The following ARHGEF3 variants were observed in gnomAD, a reference collection of about 807,000 sequenced individuals.
The protein encoded by ARHGEF3 is 59.8 kDA protein.
ARHGEF3 carries 28 observed loss-of-function variants against 63.2 expected under a neutral mutation model. That is an observed-to-expected ratio of 0.44 (90% CI 0.33 to 0.61). The LOEUF (loss-of-function observed/expected upper bound fraction) is 0.61. ARHGEF3 is among the 20% of genes least tolerant of loss of function. ARHGEF3 has a pLI of 0.03. For missense variants in ARHGEF3, 533 were observed against 659.3 expected, an observed-to-expected ratio of 0.81 and a Z score of 2.10; for synonymous variants, 266 against 254.2, an observed-to-expected ratio of 1.05 and a Z score of -0.44.
At chr3:56,944,149 G>A (rs544714416) in intron 3 of ARHGEF3, among the ~76,000 whole-genome samples, 1 of 152,234 alleles carries the variant, frequency 6.6e-6, no homozygotes, top group African/African-American at 2.4e-5. Flanking sequence ...CTCCAGCATG[G>A]ATGACAGAGC....
In ARHGEF3 at chr3:56,828,263, C is replaced by T. The variant is rs184989040; in HGVS notation, c.192+54029G>A. Among the ~76,000 whole-genome samples, 897 of 152,038 alleles carry T rather than the reference C, an allele frequency of 5.9e-3. 4 individuals are homozygous for T. Among genetic ancestry groups the T allele is most frequent in the African/African-American group, 0.02 (838 of 41,486 alleles). ...AAAGTTGGGTGTTCATGGCCGGGCA[C>T]GGTGGCTCATGCCTGTAATCCCAGT... On this transcript the variant is annotated intron_variant, in intron 4 of 12. Transcript: ENST00000338458.
intron 3 of ARHGEF3, chr3:56,916,214 G>A: frequency 7.0e-7 from 1 of 1,433,830 alleles, no homozygotes; most frequent in Non-Finnish European, 9.2e-7. Context: ...AGAGAACACT[G>A]CATCCTCCCA....
intron 4 of ARHGEF3, among the ~76,000 whole-genome samples, chr3:56,831,850 C>T (rs1432642875): frequency 6.6e-6 from 1 of 152,116 alleles, no homozygotes. Flanking sequence ...TTTTTCTGGA[C>T]CTAAATTTGA....
chr3:56,877,427 TGCA>T (rs1209954160), intron 4 of ARHGEF3, among the ~76,000 whole-genome samples: 1 of 148,466 alleles, frequency 6.7e-6, no homozygotes, highest in East Asian at 2.0e-4. Flanking sequence ...CAGCCTGGAG[TGCA>T]GCAGCACAAT....
At chr3:56,864,452 C>T (rs2040177835) in intron 4 of ARHGEF3, among the ~76,000 whole-genome samples, 1 of 152,238 alleles carries the variant, frequency 6.6e-6, no homozygotes, top group African/African-American at 2.4e-5. Context: ...CCTTTCATGA[C>T]TAGGTCAAGC....
At chr3:56,946,914 C>CT (rs1412220751) in intron 3 of ARHGEF3, among the ~76,000 whole-genome samples, 1 of 152,214 alleles carries the variant, frequency 6.6e-6, no homozygotes, top group Admixed American at 6.5e-5. Context: ...GCCCATCAGA[C>CT]TAACAGCTGA....
At chr3:56,966,117 T>C (rs558650455) in intron 2 of ARHGEF3, among the ~76,000 whole-genome samples, 1 of 152,322 alleles carries the variant, frequency 6.6e-6, no homozygotes, top group South Asian at 2.1e-4. Flanking sequence ...CATATATATG[T>C]AATAAAAATG....
chr3:56,919,623 A>G (rs1438845760), intron 3 of ARHGEF3, among the ~76,000 whole-genome samples: 1 of 152,212 alleles, frequency 6.6e-6, no homozygotes, highest in Non-Finnish European at 1.5e-5. Context: ...GCCAATGTTG[A>G]TAACTCATGA....
intron 2 of ARHGEF3, among the ~76,000 whole-genome samples, chr3:56,967,454 CATATTAT>C (rs1366417261): frequency 0.059 from 999 of 16,828 alleles, 82 homozygotes; most frequent in East Asian, 0.14. Context: ...ATATATTATA[CATATTAT>C]ATATTATATA....
At chr3:56,964,658 C>CA (rs1448202110) in intron 2 of ARHGEF3, among the ~76,000 whole-genome samples, 2 of 152,100 alleles carry the variant, frequency 1.3e-5, no homozygotes, top group South Asian at 2.1e-4. Context: ...TGTTCCCCTC[C>CA]AAAAAATTAC....
intron 3 of ARHGEF3, among the ~76,000 whole-genome samples, chr3:56,892,487 A>G (rs1217131258): frequency 6.6e-6 from 1 of 152,128 alleles, no homozygotes; most frequent in Non-Finnish European, 1.5e-5. Context: ...GCCCTCCTTT[A>G]TATGTTTATT....
intron 4 of ARHGEF3, among the ~76,000 whole-genome samples, chr3:56,856,373 G>C (rs2039882247): frequency 6.6e-6 from 1 of 152,208 alleles, no homozygotes; most frequent in Non-Finnish European, 1.5e-5. Flanking sequence ...TTCAAGGGCT[G>C]ACATGGGATG....
chr3:56,778,617 CA>C (rs1471576371), intron 1 of ARHGEF3, among the ~76,000 whole-genome samples: 1 of 152,186 alleles, frequency 6.6e-6, no homozygotes, highest in Non-Finnish European at 1.5e-5. Context: ...ACGGCAGCCT[CA>C]ACCTCCTGGG....
intron 1 of ARHGEF3, among the ~76,000 whole-genome samples, chr3:56,789,076 C>G (rs1333686878): frequency 6.7e-6 from 1 of 148,810 alleles, no homozygotes; most frequent in Admixed American, 6.7e-5. Flanking sequence ...TGCTAATGAC[C>G]TATTAAGTAC....
intron 3 of ARHGEF3, among the ~76,000 whole-genome samples, chr3:56,927,830 T>C (rs2042315613): frequency 6.6e-6 from 1 of 152,244 alleles, no homozygotes; most frequent in Non-Finnish European, 1.5e-5. Flanking sequence ...ATAACAATAG[T>C]ACTGCCTTCA....
intron 2 of ARHGEF3, among the ~76,000 whole-genome samples, chr3:56,995,843 C>A (rs1381356491): frequency 2.0e-5 from 3 of 152,098 alleles, no homozygotes; most frequent in African/African-American, 7.2e-5. Flanking sequence ...AGTCTGAGGA[C>A]TCCTTTAGTC....
At chr3:56,943,509 A>C (rs923104054) in intron 3 of ARHGEF3, among the ~76,000 whole-genome samples, 1 of 152,220 alleles carries the variant, frequency 6.6e-6, no homozygotes, top group Non-Finnish European at 1.5e-5. Context: ...GAGAGCTTCG[A>C]TAGAGCTCTA....
At chr3:56,969,589 G>A (rs1017610156) in intron 2 of ARHGEF3, among the ~76,000 whole-genome samples, 1 of 151,924 alleles carries the variant, frequency 6.6e-6, no homozygotes, top group Non-Finnish European at 1.5e-5. Context: ...TGGCCAACAT[G>A]GTGAAATCCC....
exon 2 of ARHGEF3, chr3:57,035,100 T>C (rs2107226632): frequency 3.2e-6 from 5 of 1,547,162 alleles, no homozygotes; most frequent in Non-Finnish European, 4.4e-6. Context: ...TTCCTTGTTT[T>C]CTTCCATTCC....
Sources: allele counts gnomAD v4.1 joint callset (sites outside exome capture counted in the v4.1 genomes callset), GRCh38; gene constraint gnomAD v4.1.1; transcripts MANE v1.5; gene names NCBI Gene and HGNC (gene_info 2026-07-23, HGNC 2026-07-21).